PLXNA4: variants seen among roughly 807,000 people sequenced by gnomAD.
PLXNA4 encodes plexin-A4.
A neutral mutation model predicts 191.8 loss-of-function variants in PLXNA4; 44 were observed. The observed-to-expected ratio is 0.23, with a 90% CI of 0.18 to 0.29. The LOEUF is 0.29. PLXNA4 is among the 10% of genes least tolerant of loss of function. PLXNA4 has a pLI of 1.00. For synonymous variants in PLXNA4, 1,082 were observed against 1,009.5 expected (o/e 1.07, Z -1.36); for missense variants, 1,800 against 2,488.8 (o/e 0.72, Z 5.89).
At chr7:132,316,680 A>G (rs909505422) in intron 3 of PLXNA4, among the ~76,000 whole-genome samples, 4 of 152,190 alleles carry the variant, frequency 2.6e-5, no homozygotes, top group African/African-American at 9.7e-5. Context: ...CCTGGATGGG[A>G]AATGACTCTC....
chr7:132,312,939 A>G (rs1801802144), intron 3 of PLXNA4, among the ~76,000 whole-genome samples: 1 of 152,328 alleles, frequency 6.6e-6, no homozygotes, highest in African/African-American at 2.4e-5. Context: ...CTCATGTTGC[A>G]CAGCTACGTC....
intron 2 of PLXNA4, among the ~76,000 whole-genome samples, chr7:132,596,878 A>AAC (rs1554475998): frequency 6.6e-5 from 10 of 151,580 alleles, no homozygotes; most frequent in Admixed American, 4.6e-4. Context: ...AAAAAAAAAA[A>AAC]CAGCATGGAA....
At chr7:132,165,261 GCCC>G in intron 22 of PLXNA4, 61 bp from the exon 23 acceptor site, 2 of 1,577,192 alleles carry the variant, frequency 1.3e-6, no homozygotes, top group Admixed American at 3.5e-5. Context: ...GCTGGTCAGA[GCCC>G]GTGGGCTGGG....
At chr7:132,177,831 G>T (rs575763440) in intron 20 of PLXNA4, among the ~76,000 whole-genome samples, 1 of 152,208 alleles carries the variant, frequency 6.6e-6, no homozygotes, top group Non-Finnish European at 1.5e-5. Context: ...CCCACAAGGC[G>T]GATGCTGTGT....
At chr7:132,446,041 G>A (rs916816572) in intron 3 of PLXNA4, among the ~76,000 whole-genome samples, 13 of 152,296 alleles carry the variant, frequency 8.5e-5, no homozygotes, top group East Asian at 7.7e-4. Context: ...CAGGAGCCCC[G>A]ATGGAGGAAG....
In PLXNA4 at chr7:132,126,356, A is replaced by AG; in HGVS notation, c.*4122dup. The AG allele has an allele frequency of 6.5e-6, 1 of 152,922 alleles. No homozygotes were observed. Among genetic ancestry groups the AG allele is most frequent in the Middle Eastern group, 3.3e-3 (1 of 302 alleles). 9.5% of individuals were successfully genotyped at this position (152,922 alleles called of 1,614,324 possible). On this transcript the variant is annotated 3_prime_UTR_variant, in exon 32 of 32. Transcript: ENST00000321063. ...GGGGCAGTCACAGAGGGCTGGGCTG[A>AG]GAGGTCTGAGCAGCTCCTGTACTCA...
In PLXNA4 at chr7:132,442,656, T is replaced by C. The variant is rs1294387785; in HGVS notation, c.1371+46636A>G. On this transcript the variant is annotated intron_variant, in intron 3 of 31. Coordinates refer to ENST00000321063, the MANE Select transcript of PLXNA4 (RefSeq NM_020911.2). ...CTCCGCAAACTTCCCCACTTAAGTG[T>C]GCTCTGTGCCCAGGCCCTGGGCTAA... Among the ~76,000 whole-genome samples, 3 of 152,180 alleles carry C rather than the reference T, an allele frequency of 2.0e-5. No homozygotes were observed. The East Asian group carries it at 5.8e-4, about 29-fold the overall frequency.
chr7:132,185,737 A>G (rs971085656), intron 15 of PLXNA4, among the ~76,000 whole-genome samples: 1 of 152,170 alleles, frequency 6.6e-6, no homozygotes, highest in African/African-American at 2.4e-5. Context: ...GGCTAAGTCT[A>G]TTTGGGGAGA....
chr7:132,216,902 G>A (rs1584857778), intron 9 of PLXNA4, among the ~76,000 whole-genome samples: 1 of 152,260 alleles, frequency 6.6e-6, no homozygotes, highest in Non-Finnish European at 1.5e-5. Flanking sequence ...GATTTGAAAG[G>A]GCCAGCTTTT....
intron 5 of PLXNA4, among the ~76,000 whole-genome samples, chr7:132,231,555 G>T (rs2116996789): frequency 6.6e-6 from 1 of 152,310 alleles, no homozygotes; most frequent in South Asian, 2.1e-4. Flanking sequence ...CTCCCAAGTA[G>T]CTGGGACTAC....
Position 132,267,349 on chromosome 7 carries a change from A to AACCAACC in PLXNA4, c.1504-26190_1504-26184dup, listed in dbSNP as rs1799895837. Among the ~76,000 whole-genome samples, 3 of 152,226 alleles carry AACCAACC rather than the reference A, an allele frequency of 2.0e-5. No individual in the cohort carries two copies. In the South Asian group the frequency reaches 6.2e-4, roughly 31 times the overall value. On this transcript the variant is annotated intron_variant, in intron 4 of 31. Transcript: ENST00000321063. The stretch of plus-strand genomic sequence containing the variant: ...CAACAACCATTTCCAATCCTTGGAC[A>AACCAACC]ACCAACCACACAGTCGCAAAGCCAG...
intron 2 of PLXNA4, among the ~76,000 whole-genome samples, chr7:132,599,632 T>C (rs1451741421): frequency 2.0e-5 from 3 of 152,130 alleles, no homozygotes; most frequent in Non-Finnish European, 2.9e-5. Context: ...TCATATCATT[T>C]GCAAACAATA....
chr7:132,275,527 T>C (rs1199113600), intron 4 of PLXNA4, among the ~76,000 whole-genome samples: 2 of 152,180 alleles, frequency 1.3e-5, no homozygotes, highest in Non-Finnish European at 2.9e-5. Flanking sequence ...GGCAAAAGAC[T>C]GAAACCAAAA....
intron 4 of PLXNA4, among the ~76,000 whole-genome samples, chr7:132,296,450 T>G (rs1407107150): frequency 6.6e-6 from 1 of 151,648 alleles, no homozygotes; most frequent in East Asian, 1.9e-4. Context: ...TCTTTTTTTT[T>G]TTTTAGAGAC....
intron 2 of PLXNA4, among the ~76,000 whole-genome samples, chr7:132,635,935 T>C (rs1186903834): frequency 6.6e-6 from 1 of 152,142 alleles, no homozygotes; most frequent in African/African-American, 2.4e-5. Context: ...GCAGCAAAGA[T>C]AGGATGCAAC....
In PLXNA4 at chr7:132,307,824, G is replaced by C. The variant is rs866056365; in HGVS notation, c.1372-9602C>G. On this transcript the variant is annotated intron_variant, in intron 3 of 31. Transcript: ENST00000321063. ...GTTTTGATTTCCTGATTCCAGCCAG[G>C]AGAAAGGGGATGCAAAGGGAACTGC... Among the ~76,000 whole-genome samples, 8 of 152,080 alleles carry C rather than the reference G, an allele frequency of 5.3e-5. No individual in the cohort carries two copies. The South Asian group carries it at 1.5e-3, about 28-fold the overall frequency.
rs1794769587 is a variant in PLXNA4, at chr7:132,126,414, T to C, written c.*4065A>G. ...AAATCGCCCTGGGACAGAGGCTATGTGTGCAGGAGAGACACGGTGGAATGA... is the reference window on the plus strand; with the variant it reads ...AAATCGCCCTGGGACAGAGGCTATGCGTGCAGGAGAGACACGGTGGAATGA... On this transcript the variant is annotated 3_prime_UTR_variant, in exon 32 of 32. Coordinates refer to ENST00000321063, the MANE Select transcript of PLXNA4 (RefSeq NM_020911.2). 1 of 152,530 alleles carries C rather than the reference T, an allele frequency of 6.6e-6. No homozygotes were observed. The allele number at this position is 152,530 out of a possible 1,614,324, so 9.4% of individuals were successfully genotyped here.
At chr7:132,393,532 G>C (rs954440837) in intron 3 of PLXNA4, among the ~76,000 whole-genome samples, 3 of 152,168 alleles carry the variant, frequency 2.0e-5, no homozygotes, top group East Asian at 1.9e-4. Context: ...TCCTACTTTT[G>C]TTAGCTAAAC....
intron 3 of PLXNA4, among the ~76,000 whole-genome samples, chr7:132,324,980 C>A (rs545927431): frequency 6.6e-6 from 1 of 152,132 alleles, no homozygotes; most frequent in South Asian, 2.1e-4. Context: ...GGAGAGCAGC[C>A]TCCTCTTCTC....
Sources: gnomAD v4.1 joint callset for allele counts (sites outside exome capture counted in the v4.1 genomes callset) on GRCh38, gnomAD v4.1.1 for gene constraint, MANE v1.5 for transcripts, NCBI Gene and HGNC (gene_info 2026-07-23, HGNC 2026-07-21) for gene names.